The following ALDH1L2 variants were observed in gnomAD, a reference collection of about 807,000 sequenced individuals.
ALDH1L2 encodes the protein aldehyde dehydrogenase 1 family member L2.
A neutral mutation model predicts 111.0 loss-of-function variants in ALDH1L2; 91 were observed. The ratio of observed to expected loss-of-function variants is 0.82; its 90% CI spans 0.69 to 0.98. The LOEUF (loss-of-function observed/expected upper bound fraction) is 0.98. Among genes scored for constraint, ALDH1L2 ranks in the 50% least tolerant of loss-of-function variants. ALDH1L2 has a pLI of 0.00. For synonymous variants in ALDH1L2, 374 were observed against 392.6 expected, an observed-to-expected ratio of 0.95 and a Z score of 0.56; for missense variants, 995 against 1,126.8, an observed-to-expected ratio of 0.88 and a Z score of 1.67.
chr12:105,045,636 A>G (rs1875796169), intron 15 of ALDH1L2, among the ~76,000 whole-genome samples: 2 of 152,164 alleles, frequency 1.3e-5, no homozygotes, highest in South Asian at 4.1e-4. Flanking sequence ...GAGACATTTC[A>G]CTATCTACCT....
intron 6 of ALDH1L2, among the ~76,000 whole-genome samples, chr12:105,063,272 C>T (rs112879981): frequency 0.018 from 2,769 of 152,138 alleles, 54 homozygotes; most frequent in East Asian, 0.056. Flanking sequence ...GTCAGGAGAT[C>T]GAGACCATCT....
In ALDH1L2 at chr12:105,031,922, T is replaced by C. The variant is rs747541968; in HGVS notation, c.2257A>G (p.Lys753Glu). 3 of 1,614,002 alleles carry C rather than the reference T, an allele frequency of 1.9e-6. No homozygotes were observed. The highest frequency in any genetic ancestry group is 2.5e-6 in the Non-Finnish European group (3 of 1,180,002). ...AGTGGATCACCAATTTTCATCTTTT[T>C]AATTTCTTCTACCTGTATGTTACCC... ...EFVTRVVEEI[K>E]KMKIGDPLDR... Residue 753 changes from lysine to glutamate, a missense_variant, in exon 20 of 23, where the codon AAA becomes GAA. Coordinates refer to ENST00000258494, the MANE Select transcript of ALDH1L2 (RefSeq NM_001034173.4).
rs1874297891 is a variant in ALDH1L2, at chr12:105,024,205, A to C, written c.*219T>G. The C allele has an allele frequency of 5.0e-6, 3 of 599,030 alleles. No individual in the cohort carries two copies. The highest frequency in any genetic ancestry group is 6.0e-6 in the Non-Finnish European group (2 of 335,988). The allele number at this position is 599,030 out of a possible 1,614,324, so 37.1% of individuals were successfully genotyped here. On this transcript the variant is annotated 3_prime_UTR_variant, in exon 23 of 23. Transcript: ENST00000258494. ...TTTAGAAATACGTATGATATACAACATAGTCAAAATGCAACAACTCCAAAT... is the reference window on the plus strand; with the variant it reads ...TTTAGAAATACGTATGATATACAACCTAGTCAAAATGCAACAACTCCAAAT...
chr12:105,062,947 T>C lies in ALDH1L2; in HGVS notation c.862A>G (p.Lys288Glu). The change falls in exon 7 of 23, where the codon AAG becomes GAG. Residue 288 changes from lysine to glutamate, a missense_variant. Coordinates refer to ENST00000258494, the MANE Select transcript of ALDH1L2 (RefSeq NM_001034173.4). ...TTTTTGGTAACGAGACCAGGCTTCT[T>C]GGCACCTTTAATTTCCAGTGGTTCT... Reference protein sequence around the residue: ...PGEPLEIKGAKKPGLVTKNGL... With the variant: ...PGEPLEIKGAEKPGLVTKNGL... The C allele has an allele frequency of 6.2e-7, 1 of 1,614,200 alleles. No homozygotes were observed. Among genetic ancestry groups the C allele is most frequent in the Non-Finnish European group, 8.5e-7 (1 of 1,180,040 alleles).
At chr12:105,058,715 G>A (rs911826006) in intron 9 of ALDH1L2, among the ~76,000 whole-genome samples, 1 of 152,156 alleles carries the variant, frequency 6.6e-6, no homozygotes, top group Non-Finnish European at 1.5e-5. Context: ...TATAACTTTT[G>A]AAGTCCTTTC....
Position 105,050,053 on chromosome 12 carries a change from G to T in ALDH1L2, c.1541C>A (p.Ala514Glu), listed in dbSNP as rs1479403751. ...TTCTTGGTTCTCTTCCAGTAGGTCT[G>T]CAAGTCTGTGTGGTCAGTGAAAGAA... ...RERGRLMYRL[A>E]DLLEENQEEL... Residue 514 changes from alanine (A) to glutamate (E), a missense_variant, in exon 13 of 23, where the codon GCA becomes GAA. Coordinates refer to ENST00000258494, the MANE Select transcript of ALDH1L2 (RefSeq NM_001034173.4). 5.7e-6 allele frequency: 9 copies of T among 1,592,608 alleles called. No individual in the cohort carries two copies. Among genetic ancestry groups the T allele is most frequent in the Non-Finnish European group, 7.7e-6 (9 of 1,169,760 alleles).
At chr12:105,061,205 C>A (rs1328406281) in intron 8 of ALDH1L2, 133 bp from the exon 9 acceptor site, 1 of 755,582 alleles carries the variant, frequency 1.3e-6, no homozygotes, top group Non-Finnish European at 2.2e-6. Flanking sequence ...GATCACATTT[C>A]TCAGCGCCTC....
chr12:105,063,312 TAAA>T (rs1295817523), intron 6 of ALDH1L2, among the ~76,000 whole-genome samples: 6 of 152,072 alleles, frequency 3.9e-5, no homozygotes, highest in African/African-American at 1.4e-4. Context: ...CCGTCTCTAC[TAAA>T]AATACAAAAA....
Position 105,024,263 on chromosome 12 carries a change from C to G in ALDH1L2, c.*161G>C, listed in dbSNP as rs1442410735. 2 of 689,438 alleles carry G rather than the reference C, an allele frequency of 2.9e-6. No individual in the cohort carries two copies. The highest frequency in any genetic ancestry group is 1.8e-5 in the African/African-American group (1 of 56,020). The allele number at this position is 689,438 out of a possible 1,614,324, so 42.7% of individuals were successfully genotyped here. ...AGGTGTATTAGAAAATACTCAGGCACATGTGTAAATGCTTTAACATGGCCT... is the reference window on the plus strand; with the variant it reads ...AGGTGTATTAGAAAATACTCAGGCAGATGTGTAAATGCTTTAACATGGCCT... On this transcript the variant is annotated 3_prime_UTR_variant, in exon 23 of 23. Coordinates refer to ENST00000258494, the MANE Select transcript of ALDH1L2 (RefSeq NM_001034173.4).
rs559503914 is a variant in ALDH1L2 at position 105,048,706 on chromosome 12, C to G, written c.1686+1202G>C. On this transcript the variant is annotated intron_variant, in intron 13 of 22. Coordinates refer to ENST00000258494, the MANE Select transcript of ALDH1L2 (RefSeq NM_001034173.4). ...TAAAATGAAATATTTATTTATTATT[C>G]CTGTATCTTTATCAAAGTTTTTCTT... 8 of 152,170 alleles carry G rather than the reference C, an allele frequency of 5.3e-5. No homozygotes were observed. In the East Asian group the frequency reaches 1.5e-3, roughly 29 times the overall value. 9.4% of individuals were successfully genotyped at this position (152,170 alleles called of 1,614,324 possible).
intron 21 of ALDH1L2, among the ~76,000 whole-genome samples, chr12:105,028,997 G>A (rs1874561978): frequency 2.6e-5 from 4 of 151,628 alleles, no homozygotes; most frequent in Admixed American, 2.6e-4. Context: ...TGCTAGAAAC[G>A]GGAAAACATT....
At chr12:105,056,638 AG>A (rs535806083) in intron 10 of ALDH1L2, among the ~76,000 whole-genome samples, 64 of 152,188 alleles carry the variant, frequency 4.2e-4, no homozygotes, top group African/African-American at 1.5e-3. Flanking sequence ...GGCACAAATT[AG>A]GGGAGTATGC....
Position 105,046,692 on chromosome 12 carries a change from G to A in ALDH1L2, c.1863+18C>T. 1.2e-6 allele frequency: 2 copies of A among 1,606,216 alleles called. No individual in the cohort carries two copies. Among genetic ancestry groups the A allele is most frequent in the Non-Finnish European group, 1.7e-6 (2 of 1,173,084 alleles). Reference sequence around the variant, plus strand: ...TAAGAGAGGAGGCAATTCTGCACCTGGCCCTTTGTGGCCTTACCTGTGCTG... The same window carrying A: ...TAAGAGAGGAGGCAATTCTGCACCTAGCCCTTTGTGGCCTTACCTGTGCTG... On this transcript the variant is annotated intron_variant, in intron 15 of 22. Transcript: ENST00000258494.
intron 15 of ALDH1L2, among the ~76,000 whole-genome samples, chr12:105,046,193 C>CTATATA (rs1555225141): frequency 1.7e-3 from 34 of 20,154 alleles, no homozygotes; most frequent in Admixed American, 3.3e-3. Flanking sequence ...CTCTCTCTCT[C>CTATATA]TATATATATA....
chr12:105,046,989 G>T lies in ALDH1L2; in HGVS notation c.1687-20C>A. The T allele has an allele frequency of 6.2e-7, 1 of 1,608,580 alleles. No individual in the cohort carries two copies. The highest frequency in any genetic ancestry group is 8.5e-7 in the Non-Finnish European group (1 of 1,175,340). ...AGAACCCTAAAGAATGAGAAAAGTTGATACTTATTTTACTAATTTAAATAA... is the reference window on the plus strand; with the variant it reads ...AGAACCCTAAAGAATGAGAAAAGTTTATACTTATTTTACTAATTTAAATAA... On this transcript the variant is annotated intron_variant, in intron 13 of 22. Transcript: ENST00000258494.
intron 1 of ALDH1L2, among the ~76,000 whole-genome samples, chr12:105,077,557 G>A (rs564900634): frequency 6.6e-6 from 1 of 151,982 alleles, no homozygotes; most frequent in South Asian, 2.1e-4. Flanking sequence ...AGGATTACAG[G>A]CGTGAGCCAC....
chr12:105,081,488 C>T (rs1256046480), intron 1 of ALDH1L2, among the ~76,000 whole-genome samples: 1 of 152,140 alleles, frequency 6.6e-6, no homozygotes, highest in African/African-American at 2.4e-5. Context: ...TACCTGGAGC[C>T]AGGCTATAAA....
intron 1 of ALDH1L2, among the ~76,000 whole-genome samples, chr12:105,077,283 T>C (rs1461541860): frequency 6.6e-6 from 1 of 151,780 alleles, no homozygotes; most frequent in African/African-American, 2.4e-5. Flanking sequence ...TCTTTTTTTT[T>C]TTTTTGAGAC....
chr12:105,052,636 T>G (rs906827629), intron 11 of ALDH1L2, among the ~76,000 whole-genome samples, 176 bp downstream of exon 11: 5 of 152,218 alleles, frequency 3.3e-5, no homozygotes, highest in Non-Finnish European at 7.3e-5. Flanking sequence ...CTACAGTTAA[T>G]AGCAGCTGGT....
Sources: allele counts gnomAD v4.1 joint callset (sites outside exome capture counted in the v4.1 genomes callset), GRCh38; gene constraint gnomAD v4.1.1; transcripts MANE v1.5; gene names NCBI Gene and HGNC (gene_info 2026-07-23, HGNC 2026-07-21).